CLVS2: variants seen among roughly 807,000 people sequenced by gnomAD.
CLVS2 encodes clavesin-2.
A neutral mutation model predicts 29.0 loss-of-function variants in CLVS2; 19 were observed. The ratio of observed to expected loss-of-function variants is 0.66; its 90% confidence interval spans 0.46 to 0.96. The LOEUF is 0.96. Among genes scored for constraint, CLVS2 ranks in the 40% least tolerant of loss-of-function variants. The pLI is 0.00. For synonymous variants in CLVS2, 161 were observed against 151.3 expected (o/e 1.06, Z -0.47); for missense variants, 294 against 404.1 (o/e 0.73, Z 2.34).
intron 3 of CLVS2, among the ~76,000 whole-genome samples, chr6:123,040,061 G>A (rs1353309601): frequency 6.6e-6 from 1 of 152,136 alleles, no homozygotes; most frequent in Non-Finnish European, 1.5e-5. Context: ...CGTATCAAGG[G>A]TCCAGGCTTG....
At chr6:123,030,628 G>A (rs1274044516) in intron 3 of CLVS2, among the ~76,000 whole-genome samples, 2 of 151,976 alleles carry the variant, frequency 1.3e-5, no homozygotes, top group African/African-American at 4.8e-5. Flanking sequence ...GTGGAACTAG[G>A]CTGTAGACTG....
intron 4 of CLVS2, among the ~76,000 whole-genome samples, chr6:123,054,307 T>G (rs964055876): frequency 1.3e-5 from 2 of 152,234 alleles, no homozygotes; most frequent in African/African-American, 4.8e-5. Flanking sequence ...ATATAAATAC[T>G]GGCTGTTGTG....
chr6:123,018,266 T>C (rs1774868386), intron 3 of CLVS2, among the ~76,000 whole-genome samples: 1 of 152,030 alleles, frequency 6.6e-6, no homozygotes, highest in Non-Finnish European at 1.5e-5. Flanking sequence ...TCAGCAGCAA[T>C]GTAAATGCAT....
chr6:123,028,818 A>G (rs1775040011), intron 3 of CLVS2, among the ~76,000 whole-genome samples: 1 of 152,084 alleles, frequency 6.6e-6, no homozygotes, highest in South Asian at 2.1e-4. Context: ...GTAGTTTTAA[A>G]ATAGTGTATT....
rs1775169881 is a variant in CLVS2, at chr6:123,037,392, C to G, written c.565-11230C>G. On this transcript the variant is annotated intron_variant, in intron 3 of 5. Transcript: ENST00000275162. ...CCCTTTGGTATGACTCAGATTTGGG[C>G]TCTGGTTACCCTGCCAGTACTAACA... 2.0e-5 allele frequency among the ~76,000 whole-genome samples: 3 copies of G among 152,260 alleles called. No individual in the cohort carries two copies. In the South Asian group the frequency reaches 6.2e-4, roughly 32 times the overall value.
chr6:123,013,254 A>C (rs6917659), intron 3 of CLVS2, among the ~76,000 whole-genome samples: 111,178 of 151,862 alleles, frequency 0.73, 41,151 homozygotes, highest in East Asian at 0.91. Flanking sequence ...TCAATATCAA[A>C]ATAAGACCAC....
intron 4 of CLVS2, among the ~76,000 whole-genome samples, chr6:123,049,958 G>C (rs565944802): frequency 1.3e-5 from 2 of 152,068 alleles, no homozygotes; most frequent in Admixed American, 6.6e-5. Context: ...TTTTAAAAAA[G>C]TGCAATAATT....
Position 123,068,250 on chromosome 6 carries a change from T to C in CLVS2, c.*4489T>C, listed in dbSNP as rs980866276. On this transcript the variant is annotated 3_prime_UTR_variant, in exon 6 of 6. Coordinates refer to ENST00000275162, the MANE Select transcript of CLVS2 (RefSeq NM_001010852.4). ...ATAAAAAAATGTAGAAATCACTTAA[T>C]TATAGGAGTTAAATATAATCAATGC... 1 of 151,640 alleles carries C rather than the reference T, an allele frequency of 6.6e-6. No individual in the cohort carries two copies. The highest frequency in any genetic ancestry group is 2.4e-5 in the African/African-American group (1 of 41,406). The allele number at this position is 151,640 out of a possible 1,614,324, so 9.4% of individuals were successfully genotyped here.
At chr6:123,028,737 A>G (rs1315300635) in intron 3 of CLVS2, among the ~76,000 whole-genome samples, 5 of 152,068 alleles carry the variant, frequency 3.3e-5, no homozygotes, top group African/African-American at 1.2e-4. Context: ...AAGCTATCTG[A>G]TATTATTCAT....
chr6:123,011,261 C>CA (rs1054118307), intron 3 of CLVS2, 102 bp downstream of exon 3: 41 of 817,334 alleles, frequency 5.0e-5, no homozygotes, highest in East Asian at 8.7e-5. Context: ...ATAACAAAAA[C>CA]AAAAAAAATC....
chr6:123,063,897 C>G lies in CLVS2; in HGVS notation c.*136C>G, dbSNP rs986078675. The G allele has an allele frequency of 1.9e-5, 10 of 537,740 alleles. No individual in the cohort carries two copies. In the African/African-American group the frequency reaches 1.9e-4, roughly 10 times the overall value. 33.3% of individuals were successfully genotyped at this position (537,740 alleles called of 1,614,324 possible). On this transcript the variant is annotated 3_prime_UTR_variant, in exon 6 of 6. Transcript: ENST00000275162. ...TGTAGCATAATATATAACAAGGCAT[C>G]AGGCTTTCCTTGGCCTGAACCATGG...
intron 3 of CLVS2, among the ~76,000 whole-genome samples, chr6:123,042,753 T>C (rs1356752542): frequency 1.3e-5 from 2 of 152,198 alleles, no homozygotes; most frequent in African/African-American, 4.8e-5. Context: ...TGCCTGGATC[T>C]GTCTGTCCAC....
chr6:123,001,238 T>C (rs753183428), intron 2 of CLVS2, among the ~76,000 whole-genome samples: 43 of 152,232 alleles, frequency 2.8e-4, no homozygotes, highest in Admixed American at 6.5e-5. Flanking sequence ...ACAGTGACTA[T>C]AAATAAAATA....
chr6:123,043,400 G>T (rs1437560703), intron 3 of CLVS2, among the ~76,000 whole-genome samples: 1 of 151,990 alleles, frequency 6.6e-6, no homozygotes, highest in African/African-American at 2.4e-5. Flanking sequence ...TAATTTTATG[G>T]GTAGAGTTAT....
intron 5 of CLVS2, among the ~76,000 whole-genome samples, chr6:123,058,881 C>CT (rs1772733897): frequency 6.6e-6 from 1 of 152,162 alleles, no homozygotes; most frequent in Non-Finnish European, 1.5e-5. Context: ...TGGTCTCAAA[C>CT]TCCTGGCCTC....
intron 3 of CLVS2, among the ~76,000 whole-genome samples, chr6:123,047,320 A>T (rs947506109): frequency 1.2e-4 from 18 of 152,114 alleles, no homozygotes; most frequent in Non-Finnish European, 1.2e-4. Flanking sequence ...TTTCATTATT[A>T]TAATAACCTC....
chr6:123,043,877 TCTTTA>T, intron 3 of CLVS2, among the ~76,000 whole-genome samples: 1 of 152,346 alleles, frequency 6.6e-6, no homozygotes, highest in South Asian at 2.1e-4. Context: ...TGGTTCGGAT[TCTTTA>T]CTTTTTCTTT....
chr6:123,062,983 A>G (rs1772801005), intron 5 of CLVS2, among the ~76,000 whole-genome samples: 1 of 152,202 alleles, frequency 6.6e-6, no homozygotes. Flanking sequence ...CCTGCTATCA[A>G]AGGCATGTAT....
intron 3 of CLVS2, among the ~76,000 whole-genome samples, chr6:123,026,856 G>A (rs185689228): frequency 2.8e-4 from 42 of 152,168 alleles, no homozygotes; most frequent in African/African-American, 8.2e-4. Context: ...AACAAAAAAG[G>A]GGAAAAGTTA....
Sources: allele counts gnomAD v4.1 joint callset (sites outside exome capture counted in the v4.1 genomes callset), GRCh38; gene constraint gnomAD v4.1.1; transcripts MANE v1.5; gene names NCBI Gene and HGNC (gene_info 2026-07-23, HGNC 2026-07-21).